ARHGAP15: variants seen among roughly 807,000 people sequenced by gnomAD.
The protein encoded by ARHGAP15 is rho GTPase-activating protein 15.
In ARHGAP15, 51 loss-of-function variants were observed where a neutral mutation model predicts 63.7. The observed-to-expected ratio is 0.80, with a 90% CI of 0.64 to 1.01. The LOEUF (loss-of-function observed/expected upper bound fraction) is 1.01. ARHGAP15 is among the 50% of genes least tolerant of loss of function. ARHGAP15 has a pLI of 0.00. For missense variants in ARHGAP15, 560 were observed against 564.6 expected (o/e 0.99, Z 0.08); for synonymous variants, 191 against 193.8 (o/e 0.99, Z 0.12).
At chr2:143,501,277 T>C (rs76490336) in intron 9 of ARHGAP15, among the ~76,000 whole-genome samples, 1 of 152,256 alleles carries the variant, frequency 6.6e-6, no homozygotes, top group Non-Finnish European at 1.5e-5. Flanking sequence ...GATGTTTACA[T>C]CTTTTGTGAC....
chr2:143,151,378 C>G (rs1689810555), intron 1 of ARHGAP15, among the ~76,000 whole-genome samples: 1 of 151,972 alleles, frequency 6.6e-6, no homozygotes, highest in South Asian at 2.1e-4. Flanking sequence ...CAAATCCTAC[C>G]ACCTCTGAAT....
At chr2:143,555,860 AAGAAT>A (rs60637898) in intron 10 of ARHGAP15, among the ~76,000 whole-genome samples, 12,596 of 137,844 alleles carry the variant, frequency 0.091, 562 homozygotes, top group Middle Eastern at 0.12. Flanking sequence ...ACAGGAAAAC[AAGAAT>A]AGAATAGAAT....
intron 6 of ARHGAP15, among the ~76,000 whole-genome samples, chr2:143,339,298 T>C (rs533686926): frequency 2.6e-5 from 4 of 152,216 alleles, no homozygotes; most frequent in Admixed American, 2.6e-4. Flanking sequence ...TTTTCTCTAC[T>C]CCTGAGTACT....
chr2:143,753,019 C>A (rs1686440150), intron 13 of ARHGAP15, among the ~76,000 whole-genome samples: 1 of 152,150 alleles, frequency 6.6e-6, no homozygotes. Flanking sequence ...GTGGCACACA[C>A]CTGTAGTCCT....
intron 8 of ARHGAP15, among the ~76,000 whole-genome samples, chr2:143,457,817 G>A (rs1046351484): frequency 3.3e-5 from 5 of 151,480 alleles, no homozygotes; most frequent in Non-Finnish European, 5.9e-5. Flanking sequence ...TTGTCTTAAG[G>A]ATAAATCCAA....
Position 143,175,572 on chromosome 2 carries a change from G to A in ARHGAP15, c.165+19917G>A, listed in dbSNP as rs1470422098. ...CAGAAGCTCCAATATTTCTATGGGT[G>A]TGGAGCAGGTATCCGCATAGCACAG... On this transcript the variant is annotated intron_variant, in intron 2 of 13. Coordinates refer to ENST00000295095, the MANE Select transcript of ARHGAP15 (RefSeq NM_018460.4). Among the ~76,000 whole-genome samples the A allele has an allele frequency of 2.6e-5, 4 of 152,284 alleles. No homozygotes were observed. The East Asian group carries it at 7.7e-4, about 29-fold the overall frequency.
intron 1 of ARHGAP15, among the ~76,000 whole-genome samples, chr2:143,150,672 A>T (rs1197321856): frequency 2.0e-5 from 3 of 152,050 alleles, no homozygotes; most frequent in African/African-American, 7.2e-5. Flanking sequence ...TGGATATCTC[A>T]AACACATGCA....
chr2:143,615,738 A>C (rs1389748089), intron 11 of ARHGAP15, among the ~76,000 whole-genome samples: 3 of 152,210 alleles, frequency 2.0e-5, no homozygotes, highest in Non-Finnish European at 4.4e-5. Flanking sequence ...TGGTGTTGAA[A>C]TTTAAAGCCA....
chr2:143,500,268 TTATA>T (rs1692996892), intron 9 of ARHGAP15, among the ~76,000 whole-genome samples: 3 of 150,704 alleles, frequency 2.0e-5, no homozygotes, highest in African/African-American at 7.2e-5. Context: ...TTTTTAATAT[TTATA>T]TATGAAGAAC....
At chr2:143,662,071 G>C (rs1369391740) in intron 12 of ARHGAP15, among the ~76,000 whole-genome samples, 6 of 152,248 alleles carry the variant, frequency 3.9e-5, no homozygotes, top group African/African-American at 1.4e-4. Flanking sequence ...GCCCACCACA[G>C]CTCAAGAAGG....
intron 10 of ARHGAP15, among the ~76,000 whole-genome samples, chr2:143,536,628 G>C (rs940439063): frequency 6.6e-6 from 1 of 150,756 alleles, no homozygotes; most frequent in Non-Finnish European, 1.5e-5. Flanking sequence ...GCGGTGTTTG[G>C]TTTTTTGTCC....
chr2:143,365,220 A>G (rs1686245392), intron 6 of ARHGAP15, among the ~76,000 whole-genome samples: 1 of 152,190 alleles, frequency 6.6e-6, no homozygotes, highest in Non-Finnish European at 1.5e-5. Flanking sequence ...ACTTTGTCTT[A>G]TCTTGTGCCT....
chr2:143,200,682 C>T (rs574639179), intron 2 of ARHGAP15, among the ~76,000 whole-genome samples: 2 of 151,968 alleles, frequency 1.3e-5, no homozygotes, highest in East Asian at 3.9e-4. Context: ...ATTATAAATT[C>T]TCTTTCTCTT....
chr2:143,584,627 A>AAACAAC (rs199974019), intron 11 of ARHGAP15, among the ~76,000 whole-genome samples: 2 of 152,006 alleles, frequency 1.3e-5, no homozygotes, highest in Admixed American at 6.6e-5. Context: ...CTCTGTCAAA[A>AAACAAC]AACAACAACA....
chr2:143,525,413 A>T (rs145755132), intron 10 of ARHGAP15, among the ~76,000 whole-genome samples: 19 of 148,944 alleles, frequency 1.3e-4, no homozygotes, highest in African/African-American at 3.4e-4. Flanking sequence ...CCTGGAGAAT[A>T]TTTGTGGACT....
intron 6 of ARHGAP15, among the ~76,000 whole-genome samples, chr2:143,333,594 T>C (rs1036216754): frequency 1.3e-5 from 2 of 152,176 alleles, no homozygotes; most frequent in African/African-American, 4.8e-5. Context: ...AAAGTAAATA[T>C]ACTGTAGCTC....
At chr2:143,632,893 T>C (rs1322564677) in intron 12 of ARHGAP15, among the ~76,000 whole-genome samples, 2 of 152,144 alleles carry the variant, frequency 1.3e-5, no homozygotes, top group Non-Finnish European at 2.9e-5. Flanking sequence ...GATGACACTC[T>C]TTAGGAGAAA....
intron 6 of ARHGAP15, among the ~76,000 whole-genome samples, chr2:143,421,138 TG>T (rs1202100912): frequency 4.0e-5 from 6 of 151,252 alleles, no homozygotes; most frequent in Non-Finnish European, 1.5e-5. Context: ...GCCCCATCTT[TG>T]TTTCTTCTTT....
chr2:143,221,823 G>A (rs373006366), intron 4 of ARHGAP15, among the ~76,000 whole-genome samples: 2 of 152,098 alleles, frequency 1.3e-5, no homozygotes, highest in African/African-American at 2.4e-5. Flanking sequence ...AGATGGCTAC[G>A]AAAAGAAATG....
Sources: allele counts gnomAD v4.1 joint callset (sites outside exome capture counted in the v4.1 genomes callset), GRCh38; gene constraint gnomAD v4.1.1; transcripts MANE v1.5; gene names NCBI Gene and HGNC (gene_info 2026-07-23, HGNC 2026-07-21).